The following CCDC102B variants were observed in gnomAD, a reference collection of about 807,000 sequenced individuals.
CCDC102B encodes coiled-coil domain containing 102B.
CCDC102B carries 75 observed loss-of-function variants against 57.4 expected under a neutral mutation model. The observed-to-expected ratio is 1.31, with a 90% CI of 1.08 to 1.58. The LOEUF (loss-of-function observed/expected upper bound fraction) is 1.58, where lower values mean the gene tolerates loss of function less well. Ranked by LOEUF, CCDC102B falls within the 40% of genes most tolerant of loss-of-function variation. CCDC102B has a pLI of 0.00. For synonymous variants in CCDC102B, 206 were observed against 201.9 expected (o/e 1.02, Z -0.17); for missense variants, 636 against 582.6 (o/e 1.09, Z -0.94).
At chr18:68,779,538 T>C (rs1481178129) in intron 2 of CCDC102B, among the ~76,000 whole-genome samples, 1 of 135,658 alleles carries the variant, frequency 7.4e-6, no homozygotes, top group East Asian at 2.9e-4. Context: ...GTACATCACA[T>C]GTTAGCACAA....
intron 5 of CCDC102B, among the ~76,000 whole-genome samples, chr18:68,893,211 C>G (rs1042105547): frequency 2.0e-5 from 3 of 152,220 alleles, no homozygotes; most frequent in Non-Finnish European, 2.9e-5. Context: ...TAAATATTTT[C>G]TCTAAATGAT....
In CCDC102B at chr18:68,871,522, A is replaced by G. The variant is rs1053316369; in HGVS notation, c.937-3147A>G. ...GCATAATTTTAAAATGTTCAAAGTA[A>G]TTCTGTTTTTAAAGGAGAAAGTATA... is the stretch of plus-strand genomic sequence containing the variant. On this transcript the variant is annotated intron_variant, in intron 4 of 7. Coordinates refer to ENST00000360242, the MANE Select transcript of CCDC102B (RefSeq NM_024781.3). Among the ~76,000 whole-genome samples the G allele has an allele frequency of 2.0e-5, 3 of 152,316 alleles. No individual in the cohort carries two copies. The East Asian group carries it at 5.8e-4, about 29-fold the overall frequency.
upstream of CCDC102B, among the ~76,000 whole-genome samples, chr18:68,796,095 A>C (rs115971657): frequency 6.4e-4 from 98 of 152,272 alleles, no homozygotes; most frequent in Middle Eastern, 3.4e-3. Context: ...TAAGTACCGG[A>C]AATAGACTAC....
intron 6 of CCDC102B, among the ~76,000 whole-genome samples, chr18:68,985,942 G>A (rs2050711591): frequency 6.6e-6 from 1 of 152,092 alleles, no homozygotes; most frequent in African/African-American, 2.4e-5. Flanking sequence ...TAGTGTGTTG[G>A]AGCATGGCAA....
chr18:69,047,691 G>A (rs1428612503), intron 7 of CCDC102B, among the ~76,000 whole-genome samples: 2 of 152,072 alleles, frequency 1.3e-5, no homozygotes, highest in Non-Finnish European at 2.9e-5. Context: ...CTTCAGCAAA[G>A]TTTCAGGATA....
intron 2 of CCDC102B, among the ~76,000 whole-genome samples, chr18:68,744,337 AC>A: frequency 6.6e-6 from 1 of 152,292 alleles, no homozygotes; most frequent in East Asian, 1.9e-4. Flanking sequence ...CAACTATTGA[AC>A]TGTGGAGGTT....
intron 1 of CCDC102B, among the ~76,000 whole-genome samples, chr18:68,808,159 T>A (rs2036100607): frequency 6.6e-6 from 1 of 152,198 alleles, no homozygotes; most frequent in African/African-American, 2.4e-5. Flanking sequence ...AACCATTCTA[T>A]TTTGTTTTTC....
chr18:68,974,100 G>C (rs1232598420), intron 6 of CCDC102B, among the ~76,000 whole-genome samples: 1 of 152,012 alleles, frequency 6.6e-6, no homozygotes, highest in Non-Finnish European at 1.5e-5. Context: ...TTCTCTGGTC[G>C]AAGTCCTTTT....
upstream of CCDC102B, among the ~76,000 whole-genome samples, chr18:68,795,004 A>C (rs975667174): frequency 2.1e-4 from 30 of 140,270 alleles, no homozygotes; most frequent in Non-Finnish European, 3.5e-4. Context: ...TTTACTGGTC[A>C]TTAATTTGTA....
In CCDC102B at chr18:69,014,665, A is replaced by G. The variant is rs947004374; in HGVS notation, c.1434+3561A>G. ...AGATCTCTAGAGCAAGAACAGACAT[A>G]TATACTGAGATTCGTTGTGGAGATA... On this transcript the variant is annotated intron_variant, in intron 7 of 7. Coordinates refer to ENST00000360242, the MANE Select transcript of CCDC102B (RefSeq NM_024781.3). Among the ~76,000 whole-genome samples, 3 of 151,988 alleles carry G rather than the reference A, an allele frequency of 2.0e-5. No homozygotes were observed. In the East Asian group the frequency reaches 5.8e-4, roughly 29 times the overall value.
chr18:69,024,308 G>C (rs773681316), intron 7 of CCDC102B, among the ~76,000 whole-genome samples: 5 of 151,904 alleles, frequency 3.3e-5, no homozygotes, highest in Non-Finnish European at 7.4e-5. Context: ...ATTTTTGGAG[G>C]CTCCTCCAAA....
At chr18:68,951,238 A>G (rs960240492) in intron 6 of CCDC102B, among the ~76,000 whole-genome samples, 1 of 152,146 alleles carries the variant, frequency 6.6e-6, no homozygotes, top group Non-Finnish European at 1.5e-5. Flanking sequence ...AAGCAAAATT[A>G]AAAATTCAGA....
chr18:68,892,678 C>T (rs1435394105), intron 5 of CCDC102B, among the ~76,000 whole-genome samples: 1 of 152,072 alleles, frequency 6.6e-6, no homozygotes, highest in East Asian at 1.9e-4. Flanking sequence ...CCATAGTCAT[C>T]TATTTTTGTA....
chr18:68,884,341 G>T (rs118063560), intron 5 of CCDC102B, among the ~76,000 whole-genome samples: 1,620 of 152,228 alleles, frequency 0.011, 38 homozygotes, highest in East Asian at 0.081. Flanking sequence ...CTCTAATAAA[G>T]AATGGGATTA....
At chr18:68,874,539 A>C in intron 4 of CCDC102B, 130 bp from the exon 5 acceptor site, 1 of 583,940 alleles carries the variant, frequency 1.7e-6, no homozygotes, top group East Asian at 2.7e-5. Flanking sequence ...CATCATCAGC[A>C]ACAAGCCTGC....
chr18:68,872,354 C>CA (rs1286164387), intron 4 of CCDC102B, among the ~76,000 whole-genome samples: 1 of 152,102 alleles, frequency 6.6e-6, no homozygotes, highest in Non-Finnish European at 1.5e-5. Flanking sequence ...AGAAACACAA[C>CA]AGGCACCGGG....
chr18:68,930,683 TA>T (rs1401896997), intron 6 of CCDC102B, among the ~76,000 whole-genome samples: 4 of 151,942 alleles, frequency 2.6e-5, no homozygotes, highest in Admixed American at 1.3e-4. Flanking sequence ...AGAAATTGTG[TA>T]AATGTGAGGG....
intron 4 of CCDC102B, among the ~76,000 whole-genome samples, chr18:68,855,718 GACTTTC>G (rs2038352885): frequency 6.6e-6 from 1 of 152,102 alleles, no homozygotes; most frequent in African/African-American, 2.4e-5. Flanking sequence ...GGAATTTTGT[GACTTTC>G]ACTTTAGGTA....
intron 7 of CCDC102B, among the ~76,000 whole-genome samples, chr18:69,035,695 G>A (rs1352812782): frequency 1.3e-5 from 2 of 151,996 alleles, no homozygotes; most frequent in Non-Finnish European, 2.9e-5. Context: ...CAGATGGAGA[G>A]TTCATTGTCA....
Sources: allele counts gnomAD v4.1 joint callset (sites outside exome capture counted in the v4.1 genomes callset), GRCh38; gene constraint gnomAD v4.1.1; transcripts MANE v1.5; gene names NCBI Gene and HGNC (gene_info 2026-07-23, HGNC 2026-07-21).